The following BARX2 variants were observed in gnomAD, a reference collection of about 807,000 sequenced individuals.
BARX2 encodes the protein BARX homeobox 2, also known as homeobox protein BarH-like 2.
BARX2 carries 11 observed loss-of-function variants against 25.5 expected under a neutral mutation model. The ratio of observed to expected loss-of-function variants is 0.43; its 90% CI spans 0.27 to 0.71. The LOEUF (loss-of-function observed/expected upper bound fraction) is 0.71, where lower values mean the gene tolerates loss of function less well. BARX2 is among the 30% of genes least tolerant of loss of function. The pLI is 0.19. For synonymous variants in BARX2, 137 were observed against 149.5 expected, an observed-to-expected ratio of 0.92 and a Z score of 0.61; for missense variants, 360 against 359.9, an observed-to-expected ratio of 1.00 and a Z score of 0.00.
intron 1 of BARX2, among the ~76,000 whole-genome samples, chr11:129,427,371 C>T (rs1264765371): frequency 6.6e-6 from 1 of 152,106 alleles, no homozygotes; most frequent in Non-Finnish European, 1.5e-5. Flanking sequence ...GGGAATACTT[C>T]GGTGTGGGTG....
At chr11:129,381,770 A>C (rs4639949) in intron 1 of BARX2, among the ~76,000 whole-genome samples, 71,992 of 152,020 alleles carry the variant, frequency 0.47, 17,209 homozygotes, top group East Asian at 0.57. Context: ...GCAAAGGATT[A>C]TTTTATTTAT....
chr11:129,400,387 G>A (rs929250449), intron 1 of BARX2, among the ~76,000 whole-genome samples: 4 of 152,074 alleles, frequency 2.6e-5, no homozygotes, highest in Non-Finnish European at 5.9e-5. Context: ...AAGATCTTCT[G>A]GATGAGAAAA....
rs571814031 is a variant in BARX2 at position 129,390,425 on chromosome 11, C to T, written c.187+14203C>T. On this transcript the variant is annotated intron_variant, in intron 1 of 3. Transcript: ENST00000281437. This position sits in a 1 kb window ranked among gnomAD's most constrained non-coding sequence, Gnocchi z 4.3. Reference sequence around the variant, plus strand: ...ATAGGACTCAGTCAGAGACATGGATCGTTGGCATCTTGTTGAGAATATTCT... The same window carrying T: ...ATAGGACTCAGTCAGAGACATGGATTGTTGGCATCTTGTTGAGAATATTCT... Among the ~76,000 whole-genome samples, 6 of 152,184 alleles carry T rather than the reference C, an allele frequency of 3.9e-5. No individual in the cohort carries two copies. Among genetic ancestry groups the T allele is most frequent in the South Asian group, 2.1e-4 (1 of 4,812 alleles).
intron 3 of BARX2, among the ~76,000 whole-genome samples, chr11:129,445,666 G>A (rs1862317095): frequency 1.3e-5 from 2 of 152,162 alleles, no homozygotes; most frequent in African/African-American, 4.8e-5. Flanking sequence ...CCATGGAGAT[G>A]CAAAGATAAG....
At chr11:129,415,230 TG>T (rs753092555) in intron 1 of BARX2, among the ~76,000 whole-genome samples, 4 of 152,164 alleles carry the variant, frequency 2.6e-5, no homozygotes, top group East Asian at 3.9e-4. Flanking sequence ...ATGATCATGA[TG>T]AGTTTCAGGT....
At chr11:129,395,099 T>A (rs1025865435) in intron 1 of BARX2, among the ~76,000 whole-genome samples, 1 of 152,238 alleles carries the variant, frequency 6.6e-6, no homozygotes, top group African/African-American at 2.4e-5. Flanking sequence ...AGTTGCTTTT[T>A]ATAATAATAT....
At chr11:129,429,595 A>C (rs1173890529) in intron 1 of BARX2, among the ~76,000 whole-genome samples, 19 of 152,148 alleles carry the variant, frequency 1.2e-4, no homozygotes, top group Non-Finnish European at 2.6e-4. Flanking sequence ...TCTGTAAGCA[A>C]AATAAAGGGG....
At chr11:129,427,537 C>G (rs112690450) in intron 1 of BARX2, among the ~76,000 whole-genome samples, 25 of 152,266 alleles carry the variant, frequency 1.6e-4, no homozygotes, top group African/African-American at 5.3e-4. Context: ...GTCACACATT[C>G]CTGCAATGTA....
rs138431915 is a variant in BARX2, at chr11:129,383,904, C to T, written c.187+7682C>T. ...TTTGTTTGTTTTTGAGACAGAGTCT[C>T]GCTCTGTCACTGAGGCTGGAGTGTA... On this transcript the variant is annotated intron_variant, in intron 1 of 3. Coordinates refer to ENST00000281437, the MANE Select transcript of BARX2 (RefSeq NM_003658.5). 1.1e-3 allele frequency among the ~76,000 whole-genome samples: 166 copies of T among 152,216 alleles called. 1 individual carries two copies. The highest frequency in any genetic ancestry group is 1.4e-3 in the Non-Finnish European group (95 of 68,004).
chr11:129,401,552 G>T (rs1344117602), intron 1 of BARX2, among the ~76,000 whole-genome samples: 1 of 152,192 alleles, frequency 6.6e-6, no homozygotes, highest in Non-Finnish European at 1.5e-5. Flanking sequence ...ATCAGAAAGA[G>T]CAACTAACTC....
At chr11:129,399,299 A>G (rs116759708) in intron 1 of BARX2, among the ~76,000 whole-genome samples, 1 of 152,182 alleles carries the variant, frequency 6.6e-6, no homozygotes, top group Non-Finnish European at 1.5e-5. Flanking sequence ...GTCGTCTGGA[A>G]TGTCAACAGA....
intron 1 of BARX2, among the ~76,000 whole-genome samples, chr11:129,380,255 T>C (rs986224549): frequency 1.3e-4 from 20 of 152,056 alleles, no homozygotes; most frequent in Admixed American, 1.2e-3. Context: ...GAAGGGTGTT[T>C]ATCTTTTAGG....
At chr11:129,407,799 C>T (rs1270219954) in intron 1 of BARX2, among the ~76,000 whole-genome samples, 1 of 151,926 alleles carries the variant, frequency 6.6e-6, no homozygotes, top group African/African-American at 2.4e-5. Context: ...AAAATGCATG[C>T]AAGATGCTCA....
intron 3 of BARX2, among the ~76,000 whole-genome samples, chr11:129,450,623 C>T (rs1291384468): frequency 6.6e-6 from 1 of 152,208 alleles, no homozygotes; most frequent in Non-Finnish European, 1.5e-5. Flanking sequence ...AATATTTTTG[C>T]AGATCAATCT....
chr11:129,450,080 A>G (rs1862378128), intron 3 of BARX2, among the ~76,000 whole-genome samples: 1 of 152,062 alleles, frequency 6.6e-6, no homozygotes, highest in Non-Finnish European at 1.5e-5. Flanking sequence ...TATTATTCCC[A>G]TTTTACAGAT....
intron 2 of BARX2, among the ~76,000 whole-genome samples, chr11:129,441,188 A>C (rs1227027851): frequency 6.6e-6 from 1 of 152,118 alleles, no homozygotes; most frequent in Non-Finnish European, 1.5e-5. Context: ...TCCTGGGATG[A>C]AGCATCCCTG....
chr11:129,420,706 C>G (rs928775674), intron 1 of BARX2, among the ~76,000 whole-genome samples: 10 of 152,274 alleles, frequency 6.6e-5, no homozygotes, highest in Non-Finnish European at 1.0e-4. Flanking sequence ...GATGATTGAG[C>G]AGAGCTGGAG....
intron 1 of BARX2, among the ~76,000 whole-genome samples, chr11:129,416,272 C>T (rs1296965715): frequency 6.6e-6 from 1 of 152,132 alleles, no homozygotes; most frequent in South Asian, 2.1e-4. Flanking sequence ...AGCCTTGACA[C>T]TCAGTGGTTG....
rs1170366472 is a variant in BARX2, at chr11:129,390,788, A to G, written c.187+14566A>G. 6.6e-6 allele frequency among the ~76,000 whole-genome samples: 1 copy of G among 152,232 alleles called. No individual in the cohort carries two copies. The highest frequency in any genetic ancestry group is 6.5e-5 in the Admixed American group (1 of 15,284). On this transcript the variant is annotated intron_variant, in intron 1 of 3. Coordinates refer to ENST00000281437, the MANE Select transcript of BARX2 (RefSeq NM_003658.5). This position sits in a 1 kb window ranked among gnomAD's most constrained non-coding sequence, Gnocchi z 4.3. ...GCCTGGCCAGCCACACAGGTAGCCC[A>G]ATCATCATATGTATTAATGGTGCAT... is the stretch of plus-strand genomic sequence containing the variant.
Sources: allele counts gnomAD v4.1 joint callset (sites outside exome capture counted in the v4.1 genomes callset), GRCh38; gene constraint gnomAD v4.1.1; non-coding constraint Gnocchi (gnomAD v3.1); transcripts MANE v1.5; gene names NCBI Gene and HGNC (gene_info 2026-07-23, HGNC 2026-07-21).